IRAK1BP1: variants seen among roughly 807,000 people sequenced by gnomAD.
IRAK1BP1 encodes interleukin-1 receptor-associated kinase 1-binding protein 1.
In IRAK1BP1, 24 loss-of-function variants were observed where a neutral mutation model predicts 28.0. The observed-to-expected ratio is 0.86, with a 90% CI of 0.62 to 1.20. IRAK1BP1 has a LOEUF of 1.20. Among genes scored for constraint, IRAK1BP1 ranks in the 50% most tolerant of loss-of-function variants. The pLI is 0.00. For missense variants in IRAK1BP1, 336 were observed against 316.7 expected (o/e 1.06, Z -0.46); for synonymous variants, 131 against 116.3 (o/e 1.13, Z -0.81).
the IRAK1BP1 span, among the ~76,000 whole-genome samples, chr6:78,975,435 C>T: frequency 6.6e-6 from 1 of 152,208 alleles, no homozygotes; most frequent in African/African-American, 2.4e-5. Flanking sequence ...TGGGCAAAAA[C>T]TGGAAGCATT....
rs190604303 is a variant in IRAK1BP1, at chr6:78,927,076, G to T, written c.*68-18332G>T. Reference sequence around the variant, plus strand: ...TTGGTGTATACCCAACAGTCGGATTGCTGGATCATATGGTAGCTCAATTTT... The same window carrying T: ...TTGGTGTATACCCAACAGTCGGATTTCTGGATCATATGGTAGCTCAATTTT... On this transcript the variant is annotated intron_variant and NMD_transcript_variant, in intron 4 of 4. Transcript: ENST00000606868. Among the ~76,000 whole-genome samples, 51 of 152,172 alleles carry T rather than the reference G, an allele frequency of 3.4e-4. No individual in the cohort carries two copies. In the East Asian group the frequency reaches 7.9e-3, roughly 24 times the overall value.
At position 78,901,661 on chromosome 6, in the gene IRAK1BP1, T is replaced by C. The variant is rs1772106533; in HGVS notation, c.*3327T>C. The C allele has an allele frequency of 1.3e-5, 2 of 152,102 alleles. No homozygotes were observed. Among genetic ancestry groups the C allele is most frequent in the South Asian group, 4.1e-4 (2 of 4,832 alleles). 9.4% of individuals were successfully genotyped at this position (152,102 alleles called of 1,614,324 possible). Reference sequence around the variant, plus strand: ...AAATGGAAGTGCTATTAAAAGGAAATGCTATTAAAATAAGATTTCATATAT... The same window carrying C: ...AAATGGAAGTGCTATTAAAAGGAAACGCTATTAAAATAAGATTTCATATAT... On this transcript the variant is annotated 3_prime_UTR_variant, in exon 4 of 4. Coordinates refer to ENST00000369940, the MANE Select transcript of IRAK1BP1 (RefSeq NM_001010844.4).
At chr6:78,908,995 C>T (rs896828677) in intron 4 of IRAK1BP1, among the ~76,000 whole-genome samples, 2 of 152,100 alleles carry the variant, frequency 1.3e-5, no homozygotes, top group African/African-American at 2.4e-5. Context: ...GGCATTAGAA[C>T]GTTGATCAGA....
rs1772155364 is a variant in IRAK1BP1 at position 78,902,947 on chromosome 6, A to G, written c.*4613A>G. On this transcript the variant is annotated 3_prime_UTR_variant, in exon 4 of 4. Transcript: ENST00000369940. ...GATTGTTTTCTACTATTAAAACAAT[A>G]AAACTCTTATAAACCTGTTTATCAG... The G allele has an allele frequency of 1.0e-6, 1 of 995,960 alleles. No individual in the cohort carries two copies. Among genetic ancestry groups the G allele is most frequent in the South Asian group, 1.4e-5 (1 of 69,896 alleles). The allele number at this position is 995,960 out of a possible 1,614,324, so 61.7% of individuals were successfully genotyped here.
chr6:78,971,038 G>T, the IRAK1BP1 span: 2 of 593,034 alleles, frequency 3.4e-6, no homozygotes, highest in African/African-American at 3.9e-5. Flanking sequence ...CTCTCAAGTT[G>T]TCTTAACATC....
At chr6:78,964,201 C>T in the IRAK1BP1 span, among the ~76,000 whole-genome samples, 1 of 152,016 alleles carries the variant, frequency 6.6e-6, no homozygotes, top group South Asian at 2.1e-4. Flanking sequence ...TAATTTTAAA[C>T]AGCTCTAATT....
chr6:78,940,419 GAATGA>G lies in IRAK1BP1; in HGVS notation c.*68-4982_*68-4978del, dbSNP rs377087618. 1.6e-4 allele frequency: 25 copies of G among 153,682 alleles called. No individual in the cohort carries two copies. In the East Asian group the frequency reaches 4.2e-3, roughly 26 times the overall value. The allele number at this position is 153,682 out of a possible 1,614,324, so 9.5% of individuals were successfully genotyped here. A position where few individuals can be genotyped will look rare whatever the true frequency, so the allele number is the denominator to read the frequency against. On this transcript the variant is annotated intron_variant and NMD_transcript_variant, in intron 4 of 4. Transcript: ENST00000606868. ...ATCAATTTCTTTCGTTTCAAACAGT[GAATGA>G]AATGAATGTGAAAATGCATAACCTA...
intron 4 of IRAK1BP1, among the ~76,000 whole-genome samples, chr6:78,944,709 G>T (rs946493196): frequency 6.6e-6 from 1 of 152,318 alleles, no homozygotes; most frequent in Non-Finnish European, 1.5e-5. Context: ...AGACAACAAT[G>T]AAGAAATGTC....
intron 4 of IRAK1BP1, among the ~76,000 whole-genome samples, chr6:78,927,203 A>G (rs897405260): frequency 6.6e-6 from 1 of 152,082 alleles, no homozygotes; most frequent in Admixed American, 6.6e-5. Flanking sequence ...ATCCTCGCCA[A>G]CATTTGTTAT....
At chr6:78,964,243 G>T in the IRAK1BP1 span, among the ~76,000 whole-genome samples, 1 of 151,934 alleles carries the variant, frequency 6.6e-6, no homozygotes, top group Non-Finnish European at 1.5e-5. Flanking sequence ...TATATTATTG[G>T]CATTAAATTT....
downstream of IRAK1BP1, among the ~76,000 whole-genome samples, chr6:78,906,146 T>G (rs1772255742): frequency 6.6e-6 from 1 of 152,210 alleles, no homozygotes; most frequent in Non-Finnish European, 1.5e-5. Context: ...TGTTAAGTCT[T>G]CTGGAAGTAA....
At chr6:78,935,941 TACAC>T (rs1773256337) in intron 4 of IRAK1BP1, 1 of 156,514 alleles carries the variant, frequency 6.4e-6, no homozygotes, top group Non-Finnish European at 1.4e-5. Context: ...CAGGTATTCT[TACAC>T]ATACATTCTA....
the IRAK1BP1 span, among the ~76,000 whole-genome samples, chr6:78,961,515 G>A: frequency 1.3e-5 from 2 of 152,008 alleles, no homozygotes; most frequent in African/African-American, 4.8e-5. Context: ...TAGAAATGCA[G>A]AATCTCAGGT....
chr6:78,872,149 C>A, intron 1 of IRAK1BP1: 1 of 699,144 alleles, frequency 1.4e-6, no homozygotes, highest in Non-Finnish European at 2.6e-6. Context: ...TGTGTTCCAC[C>A]CTGGTTCCTA....
chr6:78,965,621 G>T, the IRAK1BP1 span: 1 of 774,008 alleles, frequency 1.3e-6, no homozygotes, highest in Non-Finnish European at 2.2e-6. Context: ...AACTGTAAGT[G>T]GTAGCATGTT....
chr6:78,884,468 C>T lies in IRAK1BP1; in HGVS notation c.316-910C>T, dbSNP rs181208908. Among the ~76,000 whole-genome samples the T allele has an allele frequency of 6.7e-3, 1,022 of 152,082 alleles. 3 individuals are homozygous for T. Among genetic ancestry groups the T allele is most frequent in the Non-Finnish European group, 0.011 (769 of 67,936 alleles). ...CAACTTTTTTGTCAGTATTATATGCCTTGTATTTACCCTGAGAATATATAA... is the reference window on the plus strand; with the variant it reads ...CAACTTTTTTGTCAGTATTATATGCTTTGTATTTACCCTGAGAATATATAA... On this transcript the variant is annotated intron_variant, in intron 1 of 3. Coordinates refer to ENST00000369940, the MANE Select transcript of IRAK1BP1 (RefSeq NM_001010844.4).
At chr6:78,924,968 C>A (rs932238123) in intron 4 of IRAK1BP1, among the ~76,000 whole-genome samples, 35 of 152,146 alleles carry the variant, frequency 2.3e-4, no homozygotes, top group Admixed American at 1.2e-3. Context: ...CACATATACA[C>A]CATGAAATCC....
chr6:78,913,038 T>C (rs1422414778), intron 4 of IRAK1BP1, among the ~76,000 whole-genome samples: 1 of 152,088 alleles, frequency 6.6e-6, no homozygotes, highest in African/African-American at 2.4e-5. Context: ...ATTGATTCCA[T>C]AAAAGTATAA....
intron 4 of IRAK1BP1, among the ~76,000 whole-genome samples, chr6:78,930,797 T>C (rs2127670000): frequency 6.6e-6 from 1 of 151,744 alleles, no homozygotes; most frequent in East Asian, 1.9e-4. Flanking sequence ...GTGGTTGAGG[T>C]GGTGAGCGCT....
Sources: gnomAD v4.1 joint callset for allele counts (sites outside exome capture counted in the v4.1 genomes callset) on GRCh38, gnomAD v4.1.1 for gene constraint, MANE v1.5 for transcripts, NCBI Gene and HGNC (gene_info 2026-07-23, HGNC 2026-07-21) for gene names.